Variants in PTMA observed in about 807,000 individuals in gnomAD.
PTMA encodes gene sequence 28.
A neutral mutation model predicts 16.9 loss-of-function variants in PTMA; 4 were observed. That is an observed-to-expected ratio of 0.24 (90% CI 0.12 to 0.54). The LOEUF (loss-of-function observed/expected upper bound fraction) is 0.54, where lower values mean the gene tolerates loss of function less well. Ranked by LOEUF, PTMA falls within the 20% of genes least tolerant of loss-of-function variation. PTMA has a pLI of 0.95. For synonymous variants in PTMA, 58 were observed against 47.9 expected, an observed-to-expected ratio of 1.21 and a Z score of -0.87; for missense variants, 120 against 137.7, an observed-to-expected ratio of 0.87 and a Z score of 0.64.
rs759489770 is a variant in PTMA, at chr2:231,708,678, C to T, written c.-29C>T. The T allele has an allele frequency of 1.3e-5, 21 of 1,600,880 alleles. No homozygotes were observed. Among genetic ancestry groups the T allele is most frequent in the African/African-American group, 2.7e-5 (2 of 74,876 alleles). On this transcript the variant is annotated 5_prime_UTR_variant, in exon 1 of 5. Coordinates refer to ENST00000409115, the MANE Select transcript of PTMA (RefSeq NM_002823.5). ...TGAACTCTCGCTTTCTTTTTAATCC[C>T]CTGCATCGGATCACCGGCGTGCCCC...
At chr2:231,710,079 G>C (rs1381974567) in intron 1 of PTMA, 1 of 1,232,790 alleles carries the variant, frequency 8.1e-7, no homozygotes, top group African/African-American at 1.6e-5. Flanking sequence ...CTTCCCGCGA[G>C]GGCGATGAGT....
chr2:231,710,499 C>T, intron 1 of PTMA: 1 of 1,050,984 alleles, frequency 9.5e-7, no homozygotes, highest in Non-Finnish European at 1.3e-6. Context: ...GCGGGGCGGG[C>T]CGGACTGAGA....
intron 4 of PTMA, 78 bp downstream of exon 4, chr2:231,712,594 C>CGG: frequency 1.3e-6 from 2 of 1,481,600 alleles, no homozygotes; most frequent in Non-Finnish European, 1.9e-6. Flanking sequence ...GCTCAAGCTG[C>CGG]GGAGGGACTG....
In PTMA at chr2:231,708,616, C is replaced by T. The variant is rs1021774753; in HGVS notation, c.-91C>T. ...CCGCCTCCGCCGCGCGCCTCCTCCGCCGCCGCGGACTCCGGCAGCTTTATC... is the reference window on the plus strand; with the variant it reads ...CCGCCTCCGCCGCGCGCCTCCTCCGTCGCCGCGGACTCCGGCAGCTTTATC... On this transcript the variant is annotated 5_prime_UTR_variant, in exon 1 of 5. Coordinates refer to ENST00000409115, the MANE Select transcript of PTMA (RefSeq NM_002823.5). 1.0e-5 allele frequency: 16 copies of T among 1,547,066 alleles called. No individual in the cohort carries two copies. The highest frequency in any genetic ancestry group is 1.4e-5 in the Non-Finnish European group (16 of 1,136,194).
Position 231,710,568 on chromosome 2 carries a change from C to G in PTMA, c.46-780C>G, listed in dbSNP as rs537722811. On this transcript the variant is annotated intron_variant, in intron 1 of 4. Transcript: ENST00000409115. Reference sequence around the variant, plus strand: ...CAGCGGCCGAGGGGTTCCCGCAGGCCCGGACGCCGGACCTCTGTTGGTATT... The same window carrying G: ...CAGCGGCCGAGGGGTTCCCGCAGGCGCGGACGCCGGACCTCTGTTGGTATT... 1.6e-4 allele frequency: 90 copies of G among 551,094 alleles called. 1 individual carries two copies. In the East Asian group the frequency reaches 6.8e-3, roughly 42 times the overall value. 34.1% of individuals were successfully genotyped at this position (551,094 alleles called of 1,614,324 possible).
At position 231,711,245 on chromosome 2, in the gene PTMA, G is replaced by A. The variant is rs1204039081; in HGVS notation, c.46-103G>A. The A allele has an allele frequency of 5.5e-6, 5 of 902,678 alleles. No individual in the cohort carries two copies. The Admixed American group carries it at 8.1e-5, about 15-fold the overall frequency. 55.9% of individuals were successfully genotyped at this position (902,678 alleles called of 1,614,324 possible). On this transcript the variant is annotated intron_variant, in intron 1 of 4. Coordinates refer to ENST00000409115, the MANE Select transcript of PTMA (RefSeq NM_002823.5). ...TCTCAACATGCGACTCTTAATTTGGGACGGACAGAACAGCCGTACAGACCA... is the reference window on the plus strand; with the variant it reads ...TCTCAACATGCGACTCTTAATTTGGAACGGACAGAACAGCCGTACAGACCA...
chr2:231,711,752 G>A lies in PTMA; in HGVS notation c.118-138G>A. ...AGCCTGGAGGGTGTTGACTGGAGAA[G>A]GGTCTCTGGGGTGGGCTTGGCTTGG... On this transcript the variant is annotated intron_variant, in intron 2 of 4. Coordinates refer to ENST00000409115, the MANE Select transcript of PTMA (RefSeq NM_002823.5). The A allele has an allele frequency of 9.6e-6, 14 of 1,456,344 alleles. No individual in the cohort carries two copies. In the South Asian group the frequency reaches 1.4e-4, roughly 15 times the overall value. The allele number at this position is 1,456,344 out of a possible 1,614,324, so 90.2% of individuals were successfully genotyped here. A position where few individuals can be genotyped will look rare whatever the true frequency, so the allele number is the denominator to read the frequency against.
At position 231,713,477 on chromosome 2, in the gene PTMA, T is replaced by C; in HGVS notation, c.*626T>C. On this transcript the variant is annotated 3_prime_UTR_variant, in exon 5 of 5. Coordinates refer to ENST00000409115, the MANE Select transcript of PTMA (RefSeq NM_002823.5). ...TTTATTTTTTTTGGCCTGTTTGATG[T>C]ATGTGTGAAACAATGTTGTCCAACA... is the stretch of plus-strand genomic sequence containing the variant. 1 of 438,046 alleles carries C rather than the reference T, an allele frequency of 2.3e-6. No homozygotes were observed. The highest frequency in any genetic ancestry group is 4.6e-6 in the Non-Finnish European group (1 of 217,880). 27.1% of individuals were successfully genotyped at this position (438,046 alleles called of 1,614,324 possible).
At chr2:231,711,093 A>T (rs1223153136) in intron 1 of PTMA, 1 of 370,184 alleles carries the variant, frequency 2.7e-6, no homozygotes, top group Non-Finnish European at 5.0e-6. Context: ...GCCAGGGGGC[A>T]GTGGGAACCG....
At chr2:231,710,412 C>A in intron 1 of PTMA, 1 of 1,147,294 alleles carries the variant, frequency 8.7e-7, no homozygotes, top group East Asian at 4.5e-5. Flanking sequence ...GCGCCGCGAC[C>A]TCCCTGCCCC....
chr2:231,709,113 T>G (rs974751677), intron 1 of PTMA, among the ~76,000 whole-genome samples: 1 of 152,066 alleles, frequency 6.6e-6, no homozygotes, highest in Admixed American at 6.5e-5. Context: ...GAAATAACTT[T>G]GAAACTCAAG....
At chr2:231,709,474 G>A (rs2048487813) in intron 1 of PTMA, among the ~76,000 whole-genome samples, 2 of 152,210 alleles carry the variant, frequency 1.3e-5, no homozygotes, top group African/African-American at 2.4e-5. Context: ...GGAGGCGAGA[G>A]CCCACGCGCC....
chr2:231,710,449 AG>A, intron 1 of PTMA: 3 of 1,112,170 alleles, frequency 2.7e-6, no homozygotes, highest in Non-Finnish European at 2.2e-6. Flanking sequence ...TTCGGCCGCC[AG>A]GGGGCGAGAG....
Position 231,708,763 on chromosome 2 carries a change from C to T in PTMA, c.45+12C>T. The T allele has an allele frequency of 1.2e-6, 2 of 1,601,136 alleles. No homozygotes were observed. The highest frequency in any genetic ancestry group is 8.5e-7 in the Non-Finnish European group (1 of 1,179,064). On this transcript the variant is annotated intron_variant, in intron 1 of 4. Transcript: ENST00000409115. ...AAATCACCACCAAGGTGAGGCTGGA[C>T]GCCGCCCGCCCCCTCGGGGTCCGCG...
chr2:231,708,898 C>G (rs2048475620), intron 1 of PTMA, 147 bp downstream of exon 1: 3 of 1,022,082 alleles, frequency 2.9e-6, no homozygotes, highest in African/African-American at 3.3e-5. Flanking sequence ...CCTCAGGCAG[C>G]CCACTCTTTG....
intron 1 of PTMA, 95 bp from the exon 2 acceptor site, chr2:231,711,253 G>C (rs2048514742): frequency 1.0e-6 from 1 of 991,128 alleles, no homozygotes; most frequent in African/African-American, 1.6e-5. Context: ...GGGACGGACA[G>C]AACAGCCGTA....
At chr2:231,711,676 G>A in intron 2 of PTMA, 1 of 916,828 alleles carries the variant, frequency 1.1e-6, no homozygotes, top group Non-Finnish European at 1.6e-6. Context: ...TTGGCCCAGG[G>A]TGGGGAAAAG....
chr2:231,710,488 A>AGCGGG (rs1303352058), intron 1 of PTMA: 3 of 1,064,602 alleles, frequency 2.8e-6, no homozygotes, highest in Admixed American at 4.2e-5. Flanking sequence ...CGCGGAGCGG[A>AGCGGG]GCGGGGCGGG....
rs2048492896 is a variant in PTMA at position 231,709,793 on chromosome 2, TC to T, written c.45+1043del. 1.8e-5 allele frequency: 3 copies of T among 166,928 alleles called. No homozygotes were observed. The East Asian group carries it at 4.8e-4, about 27-fold the overall frequency. 10.3% of individuals were successfully genotyped at this position (166,928 alleles called of 1,614,324 possible). Reference sequence around the variant, plus strand: ...GCGGGGCGCTCTCAGACTGACTGGCTCTTTCTTAATATTTCGGCCCTCGTCC... The same window carrying T: ...GCGGGGCGCTCTCAGACTGACTGGCTTTTCTTAATATTTCGGCCCTCGTCC... On this transcript the variant is annotated intron_variant, in intron 1 of 4. Transcript: ENST00000409115.
Sources: gnomAD v4.1 joint callset for allele counts (sites outside exome capture counted in the v4.1 genomes callset) on GRCh38, gnomAD v4.1.1 for gene constraint, MANE v1.5 for transcripts, NCBI Gene and HGNC (gene_info 2026-07-23, HGNC 2026-07-21) for gene names.